The following RBCK1 variants were observed in gnomAD, a reference collection of about 807,000 sequenced individuals.
RBCK1 encodes the protein ranBP-type and C3HC4-type zinc finger-containing protein 1.
RBCK1 carries 44 observed loss-of-function variants against 71.1 expected under a neutral mutation model. The observed-to-expected ratio is 0.62, with a 90% CI of 0.49 to 0.80. The LOEUF (loss-of-function observed/expected upper bound fraction) is 0.80. Ranked by LOEUF, RBCK1 falls within the 30% of genes least tolerant of loss-of-function variation. RBCK1 has a pLI of 0.00. For synonymous variants in RBCK1, 306 were observed against 279.7 expected, an observed-to-expected ratio of 1.09 and a Z score of -0.94; for missense variants, 569 against 685.0, an observed-to-expected ratio of 0.83 and a Z score of 1.89.
In RBCK1 at chr20:428,084, A is replaced by G. The variant is rs1206840124; in HGVS notation, c.1210-407A>G. ...GTGAGGAGCCGGTAAACAGGTCTGG[A>G]GCCTGGTCTCAGACTCAGCCTGAGC... On this transcript the variant is annotated intron_variant, in intron 9 of 11. Coordinates refer to ENST00000356286, the MANE Select transcript of RBCK1 (RefSeq NM_031229.4). This position sits in a 1 kb window ranked among gnomAD's most constrained non-coding sequence, Gnocchi z 5.7. Among the ~76,000 whole-genome samples the G allele has an allele frequency of 2.0e-5, 3 of 152,154 alleles. No individual in the cohort carries two copies. The highest frequency in any genetic ancestry group is 2.9e-5 in the Non-Finnish European group (2 of 68,028).
intron 7 of RBCK1, chr20:421,868 C>A (rs2016457758): frequency 2.1e-6 from 1 of 482,192 alleles, no homozygotes; most frequent in Non-Finnish European, 3.7e-6. Context: ...ATGCAGGGAG[C>A]CCAGCGAGGA....
Position 418,447 on chromosome 20 carries a change from C to G in RBCK1, c.460+517C>G, listed in dbSNP as rs1021504624. On this transcript the variant is annotated intron_variant, in intron 4 of 11. Coordinates refer to ENST00000356286, the MANE Select transcript of RBCK1 (RefSeq NM_031229.4). The stretch of plus-strand genomic sequence containing the variant: ...GCAGTGGCACAATCTCGGCTCACTG[C>G]AAGCTCCGACTCCCGGGTTCACGCC... Among the ~76,000 whole-genome samples the G allele has an allele frequency of 9.6e-4, 146 of 152,270 alleles. 1 individual carries two copies. Among genetic ancestry groups the G allele is most frequent in the African/African-American group, 3.2e-3 (134 of 41,560 alleles).
At position 428,746 on chromosome 20, in the gene RBCK1, T is replaced by C. The variant is rs2016864486; in HGVS notation, c.1308+157T>C. 7.2e-7 allele frequency: 1 copy of C among 1,393,340 alleles called. No individual in the cohort carries two copies. Among genetic ancestry groups the C allele is most frequent in the Non-Finnish European group, 9.5e-7 (1 of 1,052,318 alleles). The allele number at this position is 1,393,340 out of a possible 1,614,324, so 86.3% of individuals were successfully genotyped here. A position where few individuals can be genotyped will look rare whatever the true frequency, so the allele number is the denominator to read the frequency against. On this transcript the variant is annotated intron_variant, in intron 10 of 11. Transcript: ENST00000356286. The surrounding 1 kb of genome is among the most constrained non-coding windows in gnomAD (Gnocchi z 5.7). ...ATCCGGAGGTGGGACTTAGGCCGAATGGTCATGTCAGGAAGAGCGTCTGGG... is the reference window on the plus strand; with the variant it reads ...ATCCGGAGGTGGGACTTAGGCCGAACGGTCATGTCAGGAAGAGCGTCTGGG...
At chr20:416,673 C>T (rs2016010232) in intron 2 of RBCK1, among the ~76,000 whole-genome samples, 1 of 151,648 alleles carries the variant, frequency 6.6e-6, no homozygotes, top group African/African-American at 2.4e-5. Context: ...AAAGTTAAAA[C>T]CACTTTCTCT....
rs771779681 is a variant in RBCK1, at chr20:408,724, G to GT, written c.-33dup. 1.9e-5 allele frequency: 30 copies of GT among 1,611,534 alleles called. No homozygotes were observed. The highest frequency in any genetic ancestry group is 6.7e-5 in the Admixed American group (4 of 59,716). ...GAGGTAGCATTTCCCAGGAGGCACG[G>GT]TCCCCCCCAGGGGGATGGGCACAGC... is the stretch of plus-strand genomic sequence containing the variant. On this transcript the variant is annotated 5_prime_UTR_variant, in exon 1 of 12. Coordinates refer to ENST00000356286, the MANE Select transcript of RBCK1 (RefSeq NM_031229.4).
At chr20:424,606 G>A (rs1389234084) in intron 8 of RBCK1, among the ~76,000 whole-genome samples, 1 of 152,184 alleles carries the variant, frequency 6.6e-6, no homozygotes, top group African/African-American at 2.4e-5. Context: ...TTTCTCTGTT[G>A]TCTCTGGGTG....
intron 2 of RBCK1, among the ~76,000 whole-genome samples, chr20:416,755 G>A (rs963777657): frequency 4.6e-5 from 7 of 152,100 alleles, no homozygotes; most frequent in South Asian, 2.1e-4. Context: ...ATCCCACTTC[G>A]GGAGGCCAAG....
chr20:431,098 T>C lies in RBCK1; in HGVS notation c.*668T>C, dbSNP rs1323543242. 2.0e-5 allele frequency: 3 copies of C among 152,380 alleles called. No homozygotes were observed. Among genetic ancestry groups the C allele is most frequent in the Non-Finnish European group, 4.4e-5 (3 of 68,192 alleles). 9.4% of individuals were successfully genotyped at this position (152,380 alleles called of 1,614,324 possible). A position where few individuals can be genotyped will look rare whatever the true frequency, so the allele number is the denominator to read the frequency against. ...CAGTCCATCTGTGGTAGAATGAGGC[T>C]GTGACTGAGCACTGGGACCTTTCTA... On this transcript the variant is annotated 3_prime_UTR_variant, in exon 12 of 12. Transcript: ENST00000356286. The surrounding 1 kb of genome is among the most constrained non-coding windows in gnomAD (Gnocchi z 4.8).
chr20:410,060 C>T, intron 2 of RBCK1, 35 bp downstream of exon 2: 1 of 1,599,410 alleles, frequency 6.3e-7, no homozygotes, highest in Non-Finnish European at 8.5e-7. Context: ...ACCCAAGGGA[C>T]AGCAGGACAG....
chr20:421,408 C>A (rs1168805432), intron 7 of RBCK1, among the ~76,000 whole-genome samples: 1 of 152,216 alleles, frequency 6.6e-6, no homozygotes, highest in Non-Finnish European at 1.5e-5. Flanking sequence ...AACACAGACC[C>A]GCTCACCACA....
intron 2 of RBCK1, chr20:410,633 G>A (rs554867432): frequency 2.0e-5 from 15 of 756,074 alleles, no homozygotes; most frequent in South Asian, 2.8e-5. Flanking sequence ...TCAGGGGTTC[G>A]CTTGGTAAGG....
Position 428,513 on chromosome 20 carries a change from G to C in RBCK1, c.1232G>C (p.Cys411Ser). 3 of 1,611,098 alleles carry C rather than the reference G, an allele frequency of 1.9e-6. No homozygotes were observed. The highest frequency in any genetic ancestry group is 2.5e-6 in the Non-Finnish European group (3 of 1,178,816). The change falls in exon 10 of 12, where the codon TGC becomes TCC. Residue 411 changes from cysteine to serine, a missense_variant. Around this residue, in one of 2 missense-constraint regions of RBCK1, gnomAD observed 211 missense variants for 309.4 expected, o/e 0.68. Coordinates refer to ENST00000356286, the MANE Select transcript of RBCK1 (RefSeq NM_031229.4). This position sits in a 1 kb window ranked among gnomAD's most constrained non-coding sequence, Gnocchi z 5.7. ...LCKAIHEQMN[C>S]KEYQEDLALR... is the part of the protein sequence containing the mutation. The stretch of plus-strand genomic sequence containing the variant: ...CAGGCCATCCATGAGCAGATGAACT[G>C]CAAGGAGTATCAGGAGGACCTGGCC...
rs727503765 is a variant in RBCK1, at chr20:419,702, G to C, written c.727G>C (p.Glu243Gln). Residue 243 changes from glutamate to glutamine, a missense_variant, in exon 6 of 12, where the codon GAG (glutamate) becomes CAG (glutamine). Physicochemically the swap from Glu to Gln is conservative, Grantham distance 29 (BLOSUM62 2). Coordinates refer to ENST00000356286, the MANE Select transcript of RBCK1 (RefSeq NM_031229.4). ...GGAGGAGCGAGCGCGCCTGGCGGGC[G>C]AGGAGGAGGCGCTGCGTCAGTACCA... ...DEEERARLAGEEEALRQYQQR... is the reference protein window; with the variant it reads ...DEEERARLAGQEEALRQYQQR... 2 of 1,570,128 alleles carry C rather than the reference G, an allele frequency of 1.3e-6. No individual in the cohort carries two copies. The highest frequency in any genetic ancestry group is 3.6e-5 in the Admixed American group (2 of 54,896).
intron 8 of RBCK1, among the ~76,000 whole-genome samples, chr20:423,860 T>G (rs192852320): frequency 3.2e-4 from 49 of 152,272 alleles, no homozygotes; most frequent in Non-Finnish European, 1.6e-4. Context: ...GTCTCATCTG[T>G]GATGACTGGG....
chr20:408,929 C>G, intron 1 of RBCK1, 150 bp downstream of exon 1: 1 of 1,000,716 alleles, frequency 1.0e-6, no homozygotes, highest in Non-Finnish European at 1.5e-6. Flanking sequence ...TCCTTTGGTA[C>G]CTGCTGGCTT....
At position 430,498 on chromosome 20, in the gene RBCK1, G is replaced by A; in HGVS notation, c.*68G>A. ...ACATTCTGTTAGAATGTAGCTCAGG[G>A]AGCTTCGTGGACGGCCTTGCTTGCT... is the stretch of plus-strand genomic sequence containing the variant. On this transcript the variant is annotated 3_prime_UTR_variant, in exon 12 of 12. Coordinates refer to ENST00000356286, the MANE Select transcript of RBCK1 (RefSeq NM_031229.4). The surrounding 1 kb of genome is among the most constrained non-coding windows in gnomAD (Gnocchi z 5.6). 1.3e-6 allele frequency: 2 copies of A among 1,495,718 alleles called. No homozygotes were observed. Among genetic ancestry groups the A allele is most frequent in the Non-Finnish European group, 1.9e-6 (2 of 1,075,024 alleles). The allele number at this position is 1,495,718 out of a possible 1,614,324, so 92.7% of individuals were successfully genotyped here.
rs368745414 is a variant in RBCK1, at chr20:430,750, G to A, written c.*320G>A. ...ACAACACTCATCTGTCAAACACCAA[G>A]CACTCTCAGCCTCCCCGCCTTCAGC... is the stretch of plus-strand genomic sequence containing the variant. On this transcript the variant is annotated 3_prime_UTR_variant, in exon 12 of 12. Transcript: ENST00000356286. This position sits in a 1 kb window ranked among gnomAD's most constrained non-coding sequence, Gnocchi z 5.6. 1.1e-4 allele frequency: 39 copies of A among 346,266 alleles called. No individual in the cohort carries two copies. The highest frequency in any genetic ancestry group is 7.0e-4 in the African/African-American group (33 of 47,378). 21.4% of individuals were successfully genotyped at this position (346,266 alleles called of 1,614,324 possible).
At position 430,469 on chromosome 20, in the gene RBCK1, A is replaced by G. The variant is rs2016963079; in HGVS notation, c.*39A>G. 1 of 1,549,680 alleles carries G rather than the reference A, an allele frequency of 6.5e-7. No homozygotes were observed. On this transcript the variant is annotated 3_prime_UTR_variant, in exon 12 of 12. Transcript: ENST00000356286. This position sits in a 1 kb window ranked among gnomAD's most constrained non-coding sequence, Gnocchi z 5.6. ...GGGCCACATGCTGACCCAGCCCCACATCCACATTCTGTTAGAATGTAGCTC... is the reference window on the plus strand; with the variant it reads ...GGGCCACATGCTGACCCAGCCCCACGTCCACATTCTGTTAGAATGTAGCTC...
At chr20:411,603 G>A (rs1250451326) in intron 2 of RBCK1, among the ~76,000 whole-genome samples, 2 of 152,144 alleles carry the variant, frequency 1.3e-5, no homozygotes, top group Non-Finnish European at 1.5e-5. Context: ...TCCTGACCTC[G>A]TGATCCGCCC....
Sources: gnomAD v4.1 joint callset for allele counts (sites outside exome capture counted in the v4.1 genomes callset) on GRCh38, gnomAD v4.1.1 for gene constraint, gnomAD v4.1.1 regional missense constraint, Gnocchi (gnomAD v3.1) non-coding constraint, MANE v1.5 for transcripts, NCBI Gene and HGNC (gene_info 2026-07-23, HGNC 2026-07-21) for gene names.